Variants in SRRM4 observed in about 807,000 individuals in gnomAD.
SRRM4 encodes serine/arginine repetitive matrix 4.
In SRRM4, 33 loss-of-function variants were observed where a neutral mutation model predicts 68.9. The observed-to-expected ratio is 0.48, with a 90% confidence interval of 0.36 to 0.64. The LOEUF (loss-of-function observed/expected upper bound fraction) is 0.64, where lower values mean the gene tolerates loss of function less well. Among genes scored for constraint, SRRM4 ranks in the 30% least tolerant of loss-of-function variants. SRRM4 has a pLI of 0.00. For missense variants in SRRM4, 817 were observed against 827.1 expected (o/e 0.99, Z 0.15); for synonymous variants, 318 against 318.8 (o/e 1.00, Z 0.03).
chr12:119,106,814 CTGA>C (rs1741743879), intron 2 of SRRM4, among the ~76,000 whole-genome samples: 1 of 152,192 alleles, frequency 6.6e-6, no homozygotes, highest in African/African-American at 2.4e-5. Flanking sequence ...TTTCTCCTGC[CTGA>C]TTGCCCTGGC....
At chr12:119,026,119 G>T (rs1489886886) in intron 1 of SRRM4, among the ~76,000 whole-genome samples, 1 of 151,934 alleles carries the variant, frequency 6.6e-6, no homozygotes, top group Non-Finnish European at 1.5e-5. Context: ...ACCACATCTG[G>T]GTTTGGTTTT....
At chr12:119,048,539 G>T (rs962497230) in intron 1 of SRRM4, among the ~76,000 whole-genome samples, 1 of 152,030 alleles carries the variant, frequency 6.6e-6, no homozygotes, top group Non-Finnish European at 1.5e-5. Flanking sequence ...GGAAAATCGG[G>T]TTCAAATCCT....
chr12:119,100,610 T>C (rs1954072822), intron 1 of SRRM4, among the ~76,000 whole-genome samples: 1 of 152,162 alleles, frequency 6.6e-6, no homozygotes. Context: ...GTTCACTGTG[T>C]CTCCACACCT....
chr12:119,041,994 T>C (rs532801742), intron 1 of SRRM4, among the ~76,000 whole-genome samples: 4 of 152,284 alleles, frequency 2.6e-5, no homozygotes, highest in Admixed American at 6.5e-5. Context: ...GAAACTTTAA[T>C]GTCATTTGCG....
chr12:119,123,207 T>C (rs1181855141), intron 6 of SRRM4, among the ~76,000 whole-genome samples: 1 of 152,106 alleles, frequency 6.6e-6, no homozygotes, highest in African/African-American at 2.4e-5. Context: ...AAACGGTCTT[T>C]TCACCCAAGG....
At chr12:119,122,146 C>G (rs201796833) in intron 6 of SRRM4, 26 bp downstream of exon 6, 29 of 1,550,552 alleles carry the variant, frequency 1.9e-5, no homozygotes, top group Middle Eastern at 1.7e-4. Flanking sequence ...CTGGAATGTA[C>G]TCATCAGTTT....
chr12:119,136,218 A>G (rs1954327210), intron 8 of SRRM4, among the ~76,000 whole-genome samples: 1 of 152,194 alleles, frequency 6.6e-6, no homozygotes, highest in Non-Finnish European at 1.5e-5. Flanking sequence ...ACCCCAGGAG[A>G]AAGGCGAGAT....
intron 1 of SRRM4, among the ~76,000 whole-genome samples, chr12:119,101,369 C>T (rs1028725822): frequency 7.2e-5 from 11 of 152,054 alleles, no homozygotes; most frequent in South Asian, 2.1e-4. Context: ...TCATAGACGA[C>T]GCCTCAGTAT....
intron 1 of SRRM4, among the ~76,000 whole-genome samples, chr12:119,052,617 C>T (rs1953751135): frequency 1.3e-5 from 2 of 152,186 alleles, no homozygotes; most frequent in Admixed American, 1.3e-4. Context: ...CAAGCTCCGC[C>T]TCCCGGGTTC....
chr12:119,102,267 G>C lies in SRRM4; in HGVS notation c.163G>C (p.Ala55Pro). The C allele has an allele frequency of 6.2e-7, 1 of 1,613,708 alleles. No homozygotes were observed. The highest frequency in any genetic ancestry group is 2.2e-5 in the East Asian group (1 of 44,886). The change falls in exon 2 of 13, where the codon GCT (alanine) becomes CCT (proline). Residue 55 changes from alanine (A) to proline (P), a missense_variant. Transcript: ENST00000267260. ...GCCCCAGAATAACCCCGTTGTCCCA[G>C]CTCAGGATGGACCCTCAGAAAAGCT... ...TEPQNNPVVP[A>P]QDGPSEKLGQ...
Position 118,981,972 on chromosome 12 carries a change from C to T in SRRM4, c.90C>T (p.Ser30=). 1.2e-6 allele frequency: 2 copies of T among 1,611,796 alleles called. No homozygotes were observed. The highest frequency in any genetic ancestry group is 1.7e-6 in the Non-Finnish European group (2 of 1,179,152). ...CGGTGGCCACCCCCCGTCCCGAGAGCATCATTGTCGCCAGTATCACGGCCC... is the reference window on the plus strand; with the variant it reads ...CGGTGGCCACCCCCCGTCCCGAGAGTATCATTGTCGCCAGTATCACGGCCC... ...FKAVATPRPE[S]IIVASITARK... is the part of the protein sequence containing the mutation. The change falls in exon 1 of 13, where the codon AGC becomes AGT. Residue 30 remains serine, a synonymous_variant. Coordinates refer to ENST00000267260, the MANE Select transcript of SRRM4 (RefSeq NM_194286.4).
intron 1 of SRRM4, among the ~76,000 whole-genome samples, chr12:119,075,560 G>A (rs1268205724): frequency 1.4e-5 from 2 of 147,966 alleles, no homozygotes; most frequent in Admixed American, 1.3e-4. Flanking sequence ...GATGATGATG[G>A]TGATGATAAT....
At chr12:119,139,395 T>C (rs1270089364) in intron 8 of SRRM4, among the ~76,000 whole-genome samples, 1 of 152,184 alleles carries the variant, frequency 6.6e-6, no homozygotes, top group South Asian at 2.1e-4. Context: ...GTGGAGTGAA[T>C]GGAGAGCTCT....
At chr12:119,139,104 G>A (rs1712022739) in intron 8 of SRRM4, among the ~76,000 whole-genome samples, 1 of 152,142 alleles carries the variant, frequency 6.6e-6, no homozygotes, top group Non-Finnish European at 1.5e-5. Flanking sequence ...AATTATGAGA[G>A]GCCTATTATA....
At chr12:119,138,158 G>A (rs577451016) in intron 8 of SRRM4, among the ~76,000 whole-genome samples, 1 of 152,122 alleles carries the variant, frequency 6.6e-6, no homozygotes, top group Non-Finnish European at 1.5e-5. Flanking sequence ...GCAGGGATTT[G>A]GGCCCAGTGT....
chr12:119,075,884 G>C (rs998658490), intron 1 of SRRM4, among the ~76,000 whole-genome samples: 1 of 126,710 alleles, frequency 7.9e-6, no homozygotes, highest in Non-Finnish European at 1.7e-5. Flanking sequence ...GATGGTAGTA[G>C]TGATGATGAT....
intron 8 of SRRM4, among the ~76,000 whole-genome samples, chr12:119,136,508 G>A (rs11064680): frequency 0.34 from 50,083 of 146,628 alleles, 8,787 homozygotes; most frequent in African/African-American, 0.5. Flanking sequence ...AATGGGAAGT[G>A]ACATAGCATT....
At chr12:119,019,162 G>A (rs894552004) in intron 1 of SRRM4, among the ~76,000 whole-genome samples, 2 of 152,168 alleles carry the variant, frequency 1.3e-5, no homozygotes, top group African/African-American at 2.4e-5. Flanking sequence ...ATCGGTAAAC[G>A]TGATGTGTAA....
intron 1 of SRRM4, among the ~76,000 whole-genome samples, chr12:119,083,567 C>T (rs1056728762): frequency 6.6e-5 from 10 of 152,110 alleles, no homozygotes; most frequent in Admixed American, 4.6e-4. Flanking sequence ...AACTGGCTTT[C>T]TTCCCTGTTT....
Sources: gnomAD v4.1 joint callset for allele counts (sites outside exome capture counted in the v4.1 genomes callset) on GRCh38, gnomAD v4.1.1 for gene constraint, MANE v1.5 for transcripts, NCBI Gene and HGNC (gene_info 2026-07-23, HGNC 2026-07-21) for gene names.